The following CAMK2D variants were observed in gnomAD, a reference collection of about 807,000 sequenced individuals.
CAMK2D encodes the protein calcium/calmodulin dependent protein kinase II delta, also known as calcium/calmodulin-dependent protein kinase type II subunit delta.
CAMK2D carries 37 observed loss-of-function variants against 84.0 expected under a neutral mutation model. That is an observed-to-expected ratio of 0.44 (90% CI 0.34 to 0.58). The LOEUF is 0.58. Ranked by LOEUF, CAMK2D falls within the 20% of genes least tolerant of loss-of-function variation. The pLI is 0.02. For missense variants in CAMK2D, 448 were observed against 652.5 expected, an observed-to-expected ratio of 0.69 and a Z score of 3.41; for synonymous variants, 202 against 212.5, an observed-to-expected ratio of 0.95 and a Z score of 0.43.
At chr4:113,747,155 G>T (rs1336529262) in intron 2 of CAMK2D, among the ~76,000 whole-genome samples, 1 of 151,828 alleles carries the variant, frequency 6.6e-6, no homozygotes, top group Admixed American at 6.6e-5. Flanking sequence ...TGCTAGGGAG[G>T]CTAAATATTT....
intron 6 of CAMK2D, among the ~76,000 whole-genome samples, chr4:113,540,877 A>C (rs1314925728): frequency 6.6e-6 from 1 of 152,156 alleles, no homozygotes; most frequent in Non-Finnish European, 1.5e-5. Context: ...TTATAATGCA[A>C]TCCCTTTCTA....
At chr4:113,514,938 C>T in intron 10 of CAMK2D, 131 bp downstream of exon 10, 3 of 872,400 alleles carry the variant, frequency 3.4e-6, no homozygotes, top group South Asian at 1.6e-5. Flanking sequence ...TCTTAAACAC[C>T]TCGAGTCAAA....
At chr4:113,576,791 C>T (rs961110538) in intron 4 of CAMK2D, among the ~76,000 whole-genome samples, 2 of 152,068 alleles carry the variant, frequency 1.3e-5, no homozygotes, top group Non-Finnish European at 1.5e-5. Context: ...TTAATTTAGA[C>T]GGTACCAACT....
chr4:113,653,746 C>T (rs528539315), intron 3 of CAMK2D, among the ~76,000 whole-genome samples: 1 of 152,104 alleles, frequency 6.6e-6, no homozygotes, highest in South Asian at 2.1e-4. Flanking sequence ...ACACATAAGG[C>T]AATTTACTCA....
At position 113,687,608 on chromosome 4, in the gene CAMK2D, G is replaced by A. The variant is rs992099050; in HGVS notation, c.161-25836C>T. On this transcript the variant is annotated intron_variant, in intron 2 of 20. Coordinates refer to ENST00000511664, the MANE Select transcript of CAMK2D (RefSeq NM_001321571.2). ...TACAAGAAAAGAGCAAGTTTGTCTT[G>A]TGACTAAACAAGGAAACTTTCGGTC... Among the ~76,000 whole-genome samples the A allele has an allele frequency of 2.0e-5, 3 of 152,310 alleles. No individual in the cohort carries two copies. In the South Asian group the frequency reaches 6.2e-4, roughly 32 times the overall value.
intron 16 of CAMK2D, among the ~76,000 whole-genome samples, chr4:113,471,064 CAG>C (rs942972595): frequency 1.3e-4 from 20 of 152,216 alleles, no homozygotes; most frequent in Admixed American, 3.9e-4. Flanking sequence ...TTGACAATGA[CAG>C]AAAACACTTT....
chr4:113,574,503 G>A (rs1451630471), intron 4 of CAMK2D, among the ~76,000 whole-genome samples: 1 of 152,184 alleles, frequency 6.6e-6, no homozygotes, highest in Non-Finnish European at 1.5e-5. Context: ...AAAAGGGCTA[G>A]TATTAGAACC....
At chr4:113,646,739 A>G (rs1227311486) in intron 3 of CAMK2D, among the ~76,000 whole-genome samples, 1 of 152,222 alleles carries the variant, frequency 6.6e-6, no homozygotes, top group Non-Finnish European at 1.5e-5. Flanking sequence ...TTCATTGTGG[A>G]AGGCCTTGCA....
At chr4:113,703,929 T>TA (rs1164232425) in intron 2 of CAMK2D, among the ~76,000 whole-genome samples, 15 of 150,836 alleles carry the variant, frequency 9.9e-5, no homozygotes, top group Admixed American at 5.9e-4. Flanking sequence ...TGACCTTTTT[T>TA]TTTTTTTTTT....
rs115250618 is a variant in CAMK2D, at chr4:113,625,669, C to T, written c.221-16463G>A. Among the ~76,000 whole-genome samples, 444 of 152,078 alleles carry T rather than the reference C, an allele frequency of 2.9e-3. 2 individuals carry two copies. The highest frequency in any genetic ancestry group is 1.0e-2 in the African/African-American group (414 of 41,478). On this transcript the variant is annotated intron_variant, in intron 3 of 20. Transcript: ENST00000511664. ...AAGATGAGATCAGAGGTGTGAGTAT[C>T]GGGGGTGTGAGTATGAGGGGTTATA... is the stretch of plus-strand genomic sequence containing the variant.
chr4:113,703,208 C>T (rs140965105), intron 2 of CAMK2D, among the ~76,000 whole-genome samples: 11 of 152,072 alleles, frequency 7.2e-5, no homozygotes, highest in Non-Finnish European at 1.2e-4. Context: ...CTCAAGTAGT[C>T]GAGGGTTCAG....
At chr4:113,523,606 C>G (rs1211090546) in intron 8 of CAMK2D, among the ~76,000 whole-genome samples, 1 of 151,836 alleles carries the variant, frequency 6.6e-6, no homozygotes, top group Non-Finnish European at 1.5e-5. Flanking sequence ...AACCCTGTCT[C>G]TACAAAAAGT....
chr4:113,677,577 C>A (rs1381661855), intron 2 of CAMK2D: 1 of 979,068 alleles, frequency 1.0e-6, no homozygotes, highest in Non-Finnish European at 1.2e-6. Context: ...TCATCCAGAG[C>A]CTTCTCTAAG....
rs562671527 is a variant in CAMK2D, at chr4:113,499,626, A to ATG, written c.1135+835_1135+836dup. On this transcript the variant is annotated intron_variant, in intron 16 of 20. Transcript: ENST00000511664. ...TTTTCAGATGAGGTTTAATTAATTT[A>ATG]TGGATCATTGCTCCCAATTTATATT... 3.8e-3 allele frequency among the ~76,000 whole-genome samples: 583 copies of ATG among 152,306 alleles called. 5 individuals are homozygous for ATG. The highest frequency in any genetic ancestry group is 0.014 in the African/African-American group (563 of 41,570).
At chr4:113,669,066 T>A (rs2099269211) in intron 2 of CAMK2D, among the ~76,000 whole-genome samples, 1 of 152,162 alleles carries the variant, frequency 6.6e-6, no homozygotes, top group Non-Finnish European at 1.5e-5. Context: ...ACAACAATAA[T>A]GGCATCTATT....
At position 113,465,515 on chromosome 4, in the gene CAMK2D, C is replaced by A; in HGVS notation, c.1211+14G>T. Reference sequence around the variant, plus strand: ...ACCATATGCATGAAAGCAAAGTAAACGTCCGCTACTCACGTGTAGGCTTCA... The same window carrying A: ...ACCATATGCATGAAAGCAAAGTAAAAGTCCGCTACTCACGTGTAGGCTTCA... On this transcript the variant is annotated intron_variant, in intron 17 of 20. Coordinates refer to ENST00000511664, the MANE Select transcript of CAMK2D (RefSeq NM_001321571.2). 1 of 1,537,384 alleles carries A rather than the reference C, an allele frequency of 6.5e-7. No individual in the cohort carries two copies. Among genetic ancestry groups the A allele is most frequent in the Non-Finnish European group, 8.9e-7 (1 of 1,117,620 alleles).
At chr4:113,531,026 G>A (rs892608838) in intron 8 of CAMK2D, among the ~76,000 whole-genome samples, 190 bp downstream of exon 8, 1 of 152,200 alleles carries the variant, frequency 6.6e-6, no homozygotes, top group Non-Finnish European at 1.5e-5. Flanking sequence ...AGAGGTTGCA[G>A]TGAGCCGGGA....
chr4:113,610,247 G>A (rs2098994497), intron 3 of CAMK2D, among the ~76,000 whole-genome samples: 2 of 151,984 alleles, frequency 1.3e-5, no homozygotes, highest in African/African-American at 4.8e-5. Flanking sequence ...TTCTTCCTGT[G>A]TATCCAAATC....
At chr4:113,526,828 T>TA (rs1414806601) in intron 8 of CAMK2D, among the ~76,000 whole-genome samples, 2 of 151,954 alleles carry the variant, frequency 1.3e-5, no homozygotes, top group East Asian at 3.9e-4. Context: ...TGCCTGTGTT[T>TA]ACCACAGATC....
Sources: allele counts gnomAD v4.1 joint callset (sites outside exome capture counted in the v4.1 genomes callset), GRCh38; gene constraint gnomAD v4.1.1; transcripts MANE v1.5; gene names NCBI Gene and HGNC (gene_info 2026-07-23, HGNC 2026-07-21).